Variants in SLC25A42 observed in about 807,000 individuals in gnomAD.
SLC25A42 encodes solute carrier family 25 member 42, also known as mitochondrial coenzyme A transporter SLC25A42.
SLC25A42 carries 19 observed loss-of-function variants against 34.7 expected under a neutral mutation model. The ratio of observed to expected loss-of-function variants is 0.55; its 90% CI spans 0.38 to 0.80. The LOEUF is 0.80. Ranked by LOEUF, SLC25A42 falls within the 30% of genes least tolerant of loss-of-function variation. The pLI is 0.00. For synonymous variants in SLC25A42, 205 were observed against 191.2 expected, an observed-to-expected ratio of 1.07 and a Z score of -0.59; for missense variants, 364 against 441.3, an observed-to-expected ratio of 0.82 and a Z score of 1.57.
chr19:19,106,261 C>T lies in SLC25A42; in HGVS notation c.381-8C>T. ...TGCCGTCTCGCCTTCTCCTCCTGCCCTGTTCAGAGCCCTGCCCCCTTGGCC... is the reference window on the plus strand; with the variant it reads ...TGCCGTCTCGCCTTCTCCTCCTGCCTTGTTCAGAGCCCTGCCCCCTTGGCC... On this transcript the variant is annotated splice_polypyrimidine_tract_variant and splice_region_variant and intron_variant, in intron 5 of 7. Coordinates refer to ENST00000318596, the MANE Select transcript of SLC25A42 (RefSeq NM_178526.5). 1 of 1,609,062 alleles carries T rather than the reference C, an allele frequency of 6.2e-7. No individual in the cohort carries two copies. The highest frequency in any genetic ancestry group is 8.5e-7 in the Non-Finnish European group (1 of 1,179,224).
Position 19,097,198 on chromosome 19 carries a change from C to T in SLC25A42, c.81+993C>T, listed in dbSNP as rs534540544. ...CGCACTCCCAGGGCCTGACTCAGGCCGACCGCACAGGCAGTTTTCAAAGTC... is the reference window on the plus strand; with the variant it reads ...CGCACTCCCAGGGCCTGACTCAGGCTGACCGCACAGGCAGTTTTCAAAGTC... On this transcript the variant is annotated intron_variant, in intron 2 of 7. Transcript: ENST00000318596. Among the ~76,000 whole-genome samples the T allele has an allele frequency of 5.8e-4, 88 of 152,278 alleles. 1 individual carries two copies. Among genetic ancestry groups the T allele is most frequent in the African/African-American group, 2.0e-3 (84 of 41,562 alleles).
At chr19:19,065,270 G>A (rs1295558816) in intron 1 of SLC25A42, among the ~76,000 whole-genome samples, 3 of 152,118 alleles carry the variant, frequency 2.0e-5, no homozygotes, top group Non-Finnish European at 4.4e-5. Flanking sequence ...GGGGGTTGCC[G>A]GGGCCGGGGC....
At chr19:19,101,684 C>G in intron 2 of SLC25A42, 97 bp from the exon 3 acceptor site, 1 of 1,098,364 alleles carries the variant, frequency 9.1e-7, no homozygotes, top group Non-Finnish European at 1.3e-6. Flanking sequence ...ATCCCTCGGC[C>G]CCGGCCCAGA....
intron 1 of SLC25A42, among the ~76,000 whole-genome samples, chr19:19,073,945 T>A (rs2059643479): frequency 6.6e-6 from 1 of 152,198 alleles, no homozygotes. Flanking sequence ...TGGCCTCAAG[T>A]GATCTGCCCA....
In SLC25A42 at chr19:19,070,222, C is replaced by T. The variant is rs113914798; in HGVS notation, c.-35+6107C>T. On this transcript the variant is annotated intron_variant, in intron 1 of 7. Coordinates refer to ENST00000318596, the MANE Select transcript of SLC25A42 (RefSeq NM_178526.5). ...GTGTTAGCCAGGATGGTCTCGATCT[C>T]CTGACCTTGTGATCCGCCTGCCTCG... Among the ~76,000 whole-genome samples the T allele has an allele frequency of 1.3e-4, 20 of 151,774 alleles. 1 individual carries two copies. The highest frequency in any genetic ancestry group is 4.8e-4 in the African/African-American group (20 of 41,366).
At chr19:19,096,765 C>A (rs763625517) in intron 2 of SLC25A42, among the ~76,000 whole-genome samples, 26 of 151,946 alleles carry the variant, frequency 1.7e-4, no homozygotes, top group Non-Finnish European at 3.5e-4. Context: ...GGTGAAACCC[C>A]GTCTCTACTA....
chr19:19,080,413 G>T (rs1218014895), intron 1 of SLC25A42, among the ~76,000 whole-genome samples: 1 of 152,086 alleles, frequency 6.6e-6, no homozygotes, highest in Non-Finnish European at 1.5e-5. Context: ...AAGGGGAGGG[G>T]CTCTCACCCA....
At chr19:19,080,565 T>G (rs939440703) in intron 1 of SLC25A42, among the ~76,000 whole-genome samples, 1 of 152,194 alleles carries the variant, frequency 6.6e-6, no homozygotes, top group East Asian at 1.9e-4. Flanking sequence ...GAGGATCACT[T>G]GAGGCCAGGA....
intron 1 of SLC25A42, among the ~76,000 whole-genome samples, chr19:19,069,828 C>CT (rs775484703): frequency 0.08 from 11,116 of 139,758 alleles, 455 homozygotes; most frequent in Middle Eastern, 0.16. Context: ...ATCTCCTCTT[C>CT]TTTTTTTTTT....
chr19:19,087,017 ACAAT>A (rs2059711666), intron 1 of SLC25A42, among the ~76,000 whole-genome samples: 1 of 152,104 alleles, frequency 6.6e-6, no homozygotes, highest in African/African-American at 2.4e-5. Context: ...AGTAATTGAT[ACAAT>A]GTTATTAACT....
intron 1 of SLC25A42, among the ~76,000 whole-genome samples, chr19:19,077,759 C>T (rs1227815333): frequency 1.3e-5 from 2 of 152,118 alleles, no homozygotes; most frequent in African/African-American, 2.4e-5. Flanking sequence ...TGGTGGTGCA[C>T]ACCTGTAATC....
intron 1 of SLC25A42, among the ~76,000 whole-genome samples, chr19:19,077,976 C>T (rs1397600580): frequency 3.9e-5 from 6 of 152,180 alleles, no homozygotes; most frequent in African/African-American, 9.7e-5. Context: ...GTGTTGTTGT[C>T]GCGTGTAGCA....
rs368007211 is a variant in SLC25A42 at position 19,107,960 on chromosome 19, T to C, written c.564T>C (p.His188=). ...AAGAGGGGCTGAAGACTCTCTACCA[T>C]GGATTTATGCCCACCGTGCTGGGGG... The part of the protein sequence containing the change: ...SREEGLKTLY[H]GFMPTVLGVI... Residue 188 remains histidine, a synonymous_variant, in exon 7 of 8, where the codon CAT becomes CAC. Transcript: ENST00000318596. 12 of 1,613,904 alleles carry C rather than the reference T, an allele frequency of 7.4e-6. No individual in the cohort carries two copies. In the African/African-American group the frequency reaches 1.5e-4, roughly 20 times the overall value.
chr19:19,096,247 C>T, intron 2 of SLC25A42, 42 bp downstream of exon 2: 2 of 1,520,432 alleles, frequency 1.3e-6, no homozygotes, highest in African/African-American at 1.4e-5. Flanking sequence ...CTCCTGGGGC[C>T]CCAGCCTCCC....
chr19:19,079,210 C>T (rs761104422), intron 1 of SLC25A42, among the ~76,000 whole-genome samples: 8 of 152,066 alleles, frequency 5.3e-5, no homozygotes, highest in Non-Finnish European at 8.8e-5. Context: ...TGCATGCCAT[C>T]ATATCCAGCT....
intron 2 of SLC25A42, among the ~76,000 whole-genome samples, chr19:19,096,694 T>G (rs1568518863): frequency 6.6e-6 from 1 of 151,974 alleles, no homozygotes; most frequent in Non-Finnish European, 1.5e-5. Flanking sequence ...CCCAGCACTT[T>G]GGGATGCTGA....
Position 19,111,039 on chromosome 19 carries a change from A to G in SLC25A42, c.*163A>G. The G allele has an allele frequency of 1.3e-6, 1 of 747,426 alleles. No homozygotes were observed. Among genetic ancestry groups the G allele is most frequent in the South Asian group, 1.9e-5 (1 of 53,858 alleles). 46.3% of individuals were successfully genotyped at this position (747,426 alleles called of 1,614,324 possible). On this transcript the variant is annotated 3_prime_UTR_variant, in exon 8 of 8. Coordinates refer to ENST00000318596, the MANE Select transcript of SLC25A42 (RefSeq NM_178526.5). ...GGGCCTGGGCTCAGAGTCCACGTCC[A>G]AACGCAAAGCTGGCAGCCCTGGAAG...
In SLC25A42 at chr19:19,110,900, CG is replaced by C. The variant is rs757354752; in HGVS notation, c.*26del. The C allele has an allele frequency of 6.2e-7, 1 of 1,611,502 alleles. No homozygotes were observed. The highest frequency in any genetic ancestry group is 1.3e-5 in the African/African-American group (1 of 74,962). ...AGGGGACCCTGAGCTGCTCTCAGGA[CG>C]GTGGACCGGTGACCCCTTTGTATTC... On this transcript the variant is annotated 3_prime_UTR_variant, in exon 8 of 8. Coordinates refer to ENST00000318596, the MANE Select transcript of SLC25A42 (RefSeq NM_178526.5).
At chr19:19,088,299 G>A (rs1022447768) in intron 1 of SLC25A42, among the ~76,000 whole-genome samples, 8 of 151,106 alleles carry the variant, frequency 5.3e-5, no homozygotes, top group East Asian at 3.9e-4. Flanking sequence ...TCCGCCTTCC[G>A]GGTTCACACC....
Sources: gnomAD v4.1 joint callset for allele counts (sites outside exome capture counted in the v4.1 genomes callset) on GRCh38, gnomAD v4.1.1 for gene constraint, MANE v1.5 for transcripts, NCBI Gene and HGNC (gene_info 2026-07-23, HGNC 2026-07-21) for gene names.